TUBGCP5: variants seen among roughly 807,000 people sequenced by gnomAD.
TUBGCP5 encodes gamma-tubulin complex component 5.
TUBGCP5 carries 98 observed loss-of-function variants against 134.7 expected under a neutral mutation model. The observed-to-expected ratio is 0.73, with a 90% CI of 0.62 to 0.86. The LOEUF (loss-of-function observed/expected upper bound fraction) is 0.86, where lower values mean the gene tolerates loss of function less well. Ranked by LOEUF, TUBGCP5 falls within the 40% of genes least tolerant of loss-of-function variation. The pLI is 0.00. For synonymous variants in TUBGCP5, 456 were observed against 431.4 expected (o/e 1.06, Z -0.71); for missense variants, 1,150 against 1,244.8 (o/e 0.92, Z 1.15).
chr15:23,024,335 T>C (rs903093001), intron 9 of TUBGCP5, 142 bp from the exon 10 acceptor site: 2 of 858,568 alleles, frequency 2.3e-6, no homozygotes, highest in African/African-American at 3.4e-5. Flanking sequence ...ATATGATTAA[T>C]ATTTATAATT....
intron 3 of TUBGCP5, among the ~76,000 whole-genome samples, chr15:23,034,834 A>G (rs2066491402): frequency 6.6e-6 from 1 of 152,026 alleles, no homozygotes; most frequent in Non-Finnish European, 1.5e-5. Context: ...CTCAAAAAAC[A>G]AAAAAACAAA....
rs1464735839 is a variant in TUBGCP5 at position 23,019,341 on chromosome 15, CAG to C, written c.1372-9_1372-8del. 1 of 1,601,680 alleles carries C rather than the reference CAG, an allele frequency of 6.2e-7. No homozygotes were observed. Among genetic ancestry groups the C allele is most frequent in the Non-Finnish European group, 8.6e-7 (1 of 1,169,532 alleles). ...GAGAGAAAAGGAGGGAGACCTGAGG[CAG>C]AGAGTGTGCACGGTCAGCTCTCAGG... is the stretch of plus-strand genomic sequence containing the variant. On this transcript the variant is annotated splice_polypyrimidine_tract_variant and splice_region_variant and intron_variant, in intron 11 of 22. Coordinates refer to ENST00000615383, the MANE Select transcript of TUBGCP5 (RefSeq NM_052903.6).
chr15:22,998,877 A>G (rs1781228970), downstream of TUBGCP5, among the ~76,000 whole-genome samples: 1 of 152,086 alleles, frequency 6.6e-6, no homozygotes, highest in Non-Finnish European at 1.5e-5. Flanking sequence ...TCGGCCTCCC[A>G]AAGTGCTGGG....
Position 23,022,044 on chromosome 15 carries a change from T to C in TUBGCP5, c.1286A>G (p.Asn429Ser). ...GVAEVPPDTR[N>S]VVRASHLLNT... The stretch of plus-strand genomic sequence containing the variant: ...AAGCAGGTGAGAGGCCCGGACGACA[T>C]TTCGAGTATCAGGTGGAACTTCTGC... The change falls in exon 11 of 23, where the codon AAT becomes AGT. Residue 429 changes from asparagine to serine, a missense_variant. Asn to Ser is a conservative substitution (Grantham distance 46). This residue lies in a region of TUBGCP5 where 697 missense variants were observed against 850.1 expected (regional missense o/e 0.82). Coordinates refer to ENST00000615383, the MANE Select transcript of TUBGCP5 (RefSeq NM_052903.6). 2 of 1,614,166 alleles carry C rather than the reference T, an allele frequency of 1.2e-6. No homozygotes were observed. Among genetic ancestry groups the C allele is most frequent in the Non-Finnish European group, 1.7e-6 (2 of 1,180,026 alleles).
intron 16 of TUBGCP5, among the ~76,000 whole-genome samples, chr15:23,006,700 C>CGAGCAGAGCAGCTCGACG (rs751299164): frequency 5.3e-5 from 8 of 152,060 alleles, no homozygotes; most frequent in Admixed American, 3.3e-4. Flanking sequence ...CAGGAGAGGA[C>CGAGCAGAGCAGCTCGACG]GAGCAGAGCA....
At chr15:23,035,203 C>G (rs10152479) in intron 3 of TUBGCP5, among the ~76,000 whole-genome samples, 6,825 of 151,814 alleles carry the variant, frequency 0.045, 391 homozygotes, top group African/African-American at 0.14. Context: ...GTGGTGGGCA[C>G]CTGTAATCCC....
At chr15:23,028,137 C>A (rs1318619304) in intron 6 of TUBGCP5, among the ~76,000 whole-genome samples, 1 of 151,968 alleles carries the variant, frequency 6.6e-6, no homozygotes, top group Non-Finnish European at 1.5e-5. Context: ...TAAAAAAGAG[C>A]TAACCTGTTG....
At chr15:22,987,485 TTAC>T (rs1331736828) in intron 23 of TUBGCP5, among the ~76,000 whole-genome samples, 1 of 152,086 alleles carries the variant, frequency 6.6e-6, no homozygotes, top group Admixed American at 6.6e-5. Context: ...CCTGTGGCTG[TTAC>T]TACTATGTTG....
intron 18 of TUBGCP5, 25 bp from the exon 19 acceptor site, chr15:23,005,635 T>G: frequency 1.2e-6 from 2 of 1,603,794 alleles, no homozygotes; most frequent in Non-Finnish European, 1.7e-6. Flanking sequence ...AAGAGCAAAG[T>G]GGACAGAAAG....
chr15:22,991,400 T>G (rs944773782), intron 23 of TUBGCP5, among the ~76,000 whole-genome samples: 104 of 152,298 alleles, frequency 6.8e-4, no homozygotes, highest in African/African-American at 2.4e-3. Flanking sequence ...CCAGCCAAAT[T>G]ACTCTTTCTT....
At position 23,027,317 on chromosome 15, in the gene TUBGCP5, G is replaced by T; in HGVS notation, c.623-11C>A. 1.2e-6 allele frequency: 2 copies of T among 1,610,526 alleles called. No individual in the cohort carries two copies. Among genetic ancestry groups the T allele is most frequent in the Non-Finnish European group, 8.5e-7 (1 of 1,177,152 alleles). On this transcript the variant is annotated splice_polypyrimidine_tract_variant and intron_variant, in intron 6 of 22. Coordinates refer to ENST00000615383, the MANE Select transcript of TUBGCP5 (RefSeq NM_052903.6). The stretch of plus-strand genomic sequence containing the variant: ...GGTCATCTGGCTCATCTGCTTGAAA[G>T]AAATGTAATCAGTTTGAGTTAACAA...
In TUBGCP5 at chr15:22,986,133, C is replaced by CAAA. The variant is rs35699215; in HGVS notation, c.*62-2525_*62-2523dup. Among the ~76,000 whole-genome samples the CAAA allele has an allele frequency of 2.8e-3, 324 of 114,048 alleles. 2 individuals carry two copies. Among genetic ancestry groups the CAAA allele is most frequent in the African/African-American group, 8.7e-3 (277 of 31,894 alleles). The allele number at this position is 114,048 out of a possible 152,430, so 74.8% of individuals were successfully genotyped here. ...TGGGCGACAGAGCAAGACTCTGTCT[C>CAAA]AAAAAAAAAAAAAAAATAATAATAA... On this transcript the variant is annotated intron_variant and NMD_transcript_variant, in intron 23 of 23. Coordinates refer to the TUBGCP5 transcript ENST00000614508.
At chr15:23,000,279 G>A (rs2064295206) in intron 22 of TUBGCP5, 2 of 1,258,866 alleles carry the variant, frequency 1.6e-6, no homozygotes, top group South Asian at 3.2e-5. Context: ...AAAACTACAC[G>A]ATAGTGAAGT....
At chr15:23,016,971 T>TAC (rs1028731750) in intron 13 of TUBGCP5, among the ~76,000 whole-genome samples, 2 of 138,522 alleles carry the variant, frequency 1.4e-5, no homozygotes, top group African/African-American at 5.6e-5. Flanking sequence ...AATTGTGAGA[T>TAC]ATATATATAT....
chr15:23,027,395 A>C (rs918876660), intron 6 of TUBGCP5, 89 bp from the exon 7 acceptor site: 1 of 1,044,246 alleles, frequency 9.6e-7, no homozygotes, highest in African/African-American at 1.6e-5. Context: ...TCAAACGTAT[A>C]GTTGAAAATG....
At chr15:23,004,308 C>G in intron 19 of TUBGCP5, 81 bp from the exon 20 acceptor site, 1 of 1,495,214 alleles carries the variant, frequency 6.7e-7, no homozygotes, top group Non-Finnish European at 9.1e-7. Context: ...TTTTACTAAG[C>G]TCTTCTACTC....
chr15:23,018,063 T>C, intron 12 of TUBGCP5, 22 bp from the exon 13 acceptor site: 1 of 1,584,952 alleles, frequency 6.3e-7, no homozygotes. Flanking sequence ...CAAAAGAATT[T>C]TAAACTCTTA....
Position 23,008,759 on chromosome 15 carries a change from GAC to G in TUBGCP5, c.2265_2266del (p.Ser756PhefsTer3). The G allele has an allele frequency of 6.2e-7, 1 of 1,608,416 alleles. No homozygotes were observed. Among genetic ancestry groups the G allele is most frequent in the Non-Finnish European group, 8.5e-7 (1 of 1,178,704 alleles). On this transcript the variant is annotated frameshift_variant, in exon 16 of 23. Transcript: ENST00000615383. LOFTEE classifies it high-confidence loss of function. ...TTCTTGGAGTTGGACATTAAGAAAAGACACATTCTGCCATGTTTCCTTTTCTC... is the reference window on the plus strand; with the variant it reads ...TTCTTGGAGTTGGACATTAAGAAAAGACATTCTGCCATGTTTCCTTTTCTC...
intron 13 of TUBGCP5, 112 bp from the exon 14 acceptor site, chr15:23,011,443 AT>A (rs1224240502): frequency 3.2e-6 from 1 of 315,670 alleles, no homozygotes; most frequent in Non-Finnish European, 5.7e-6. Flanking sequence ...AAATCTATAT[AT>A]TTATATATAA....
Sources: allele counts gnomAD v4.1 joint callset (sites outside exome capture counted in the v4.1 genomes callset), GRCh38; gene constraint gnomAD v4.1.1; regional missense constraint gnomAD v4.1.1; transcripts MANE v1.5; gene names NCBI Gene and HGNC (gene_info 2026-07-23, HGNC 2026-07-21).